The following ZNF273 variants were observed in gnomAD, a reference collection of about 807,000 sequenced individuals.
ZNF273 encodes zinc finger protein 273.
A neutral mutation model predicts 14.9 loss-of-function variants in ZNF273; 11 were observed. The ratio of observed to expected loss-of-function variants is 0.74; its 90% CI spans 0.46 to 1.22. The LOEUF (loss-of-function observed/expected upper bound fraction) is 1.22. ZNF273 is among the 50% of genes most tolerant of loss of function. ZNF273 has a pLI of 0.00. For missense variants in ZNF273, 577 were observed against 660.6 expected (o/e 0.87, Z 1.39); for synonymous variants, 199 against 223.9 (o/e 0.89, Z 0.99).
At chr7:64,933,105 A>T (rs1795026355), downstream of ZNF273, among the ~76,000 whole-genome samples, 1 of 151,922 alleles carries the variant, frequency 6.6e-6, no homozygotes, top group South Asian at 2.1e-4. Flanking sequence ...CTGAGTAGCT[A>T]GGATTACAGG....
the ZNF273 span, among the ~76,000 whole-genome samples, chr7:64,936,146 G>C: frequency 6.6e-6 from 1 of 152,172 alleles, no homozygotes; most frequent in African/African-American, 2.4e-5. Flanking sequence ...ATTATTCTCT[G>C]ATTTCCTTTC....
chr7:64,902,956 C>T (rs1184966190), upstream of ZNF273, among the ~76,000 whole-genome samples: 3 of 152,080 alleles, frequency 2.0e-5, no homozygotes, highest in Admixed American at 2.0e-4. Context: ...ATTTTGGGGC[C>T]GCAAAATTTA....
chr7:64,901,006 A>T (rs369861853), upstream of ZNF273, among the ~76,000 whole-genome samples: 6 of 95,174 alleles, frequency 6.3e-5, no homozygotes, highest in Non-Finnish European at 1.2e-4. Flanking sequence ...GCCTTTATTT[A>T]TTTTTTTTTT....
rs569774669 is a variant in ZNF273, at chr7:64,917,216, A to G, written c.103-365A>G. On this transcript the variant is annotated intron_variant, in intron 1 of 3. Transcript: ENST00000476120. ...TCTCCAGTTTATTACTGTACACATTAAAATTTTAAAGCTAGCTTGTAACAC... is the reference window on the plus strand; with the variant it reads ...TCTCCAGTTTATTACTGTACACATTGAAATTTTAAAGCTAGCTTGTAACAC... 1.8e-5 allele frequency: 13 copies of G among 724,628 alleles called. No homozygotes were observed. The African/African-American group carries it at 2.5e-4, about 14-fold the overall frequency. The allele number at this position is 724,628 out of a possible 1,614,324, so 44.9% of individuals were successfully genotyped here. A position where few individuals can be genotyped will look rare whatever the true frequency, so the allele number is the denominator to read the frequency against.
At chr7:64,891,274 T>G (rs1331847100), downstream of ZNF273, among the ~76,000 whole-genome samples, 1 of 152,228 alleles carries the variant, frequency 6.6e-6, no homozygotes, top group Admixed American at 6.5e-5. Context: ...ATGGCACCTC[T>G]CTCCCAGAGT....
intron 3 of ZNF273, among the ~76,000 whole-genome samples, chr7:64,926,957 A>T (rs867417646): frequency 6.6e-6 from 1 of 152,202 alleles, no homozygotes; most frequent in Non-Finnish European, 1.5e-5. Context: ...CTGTTATTCC[A>T]TAGTATATCA....
At chr7:64,904,184 G>A (rs929774538) in intron 1 of ZNF273, among the ~76,000 whole-genome samples, 11 of 152,138 alleles carry the variant, frequency 7.2e-5, no homozygotes, top group Non-Finnish European at 1.6e-4. Context: ...CGCCTCCCGG[G>A]TTCATGCAAT....
chr7:64,910,251 T>TC (rs990998971), intron 1 of ZNF273, among the ~76,000 whole-genome samples: 23 of 152,326 alleles, frequency 1.5e-4, no homozygotes, highest in Non-Finnish European at 1.6e-4. Flanking sequence ...ATTTGCCAGT[T>TC]CCTATATCTA....
downstream of ZNF273, among the ~76,000 whole-genome samples, chr7:64,884,674 T>C (rs1489193875): frequency 6.6e-6 from 1 of 152,142 alleles, no homozygotes; most frequent in South Asian, 2.1e-4. Flanking sequence ...TATGATTCCA[T>C]CACCCGGAGA....
At chr7:64,923,820 CTTTTT>C (rs750771189) in intron 3 of ZNF273, 2 of 146,488 alleles carry the variant, frequency 1.4e-5, no homozygotes, top group African/African-American at 5.0e-5. Context: ...TACTAGTCTC[CTTTTT>C]TTTTTTACCT....
downstream of ZNF273, chr7:64,893,908 A>T (rs1281812275): frequency 6.6e-6 from 1 of 152,474 alleles, no homozygotes; most frequent in Non-Finnish European, 1.5e-5. Flanking sequence ...GTAATTAAGC[A>T]TAAGTGCAAA....
downstream of ZNF273, among the ~76,000 whole-genome samples, chr7:64,882,226 C>G (rs966985368): frequency 6.6e-6 from 1 of 152,332 alleles, no homozygotes; most frequent in South Asian, 2.1e-4. Context: ...CCCTGGGACC[C>G]GATTCCTGCA....
At chr7:64,909,547 G>T (rs913976287) in intron 1 of ZNF273, among the ~76,000 whole-genome samples, 7 of 151,996 alleles carry the variant, frequency 4.6e-5, no homozygotes, top group African/African-American at 1.4e-4. Flanking sequence ...TTCTTTATCC[G>T]GTCTACTATT....
downstream of ZNF273, chr7:64,882,514 C>CA (rs1791292526): frequency 6.6e-6 from 1 of 152,272 alleles, no homozygotes; most frequent in Non-Finnish European, 1.5e-5. Flanking sequence ...TGGCGGGGCA[C>CA]AAGGCGCCAG....
At chr7:64,905,496 T>C (rs1793045234) in intron 1 of ZNF273, among the ~76,000 whole-genome samples, 1 of 151,196 alleles carries the variant, frequency 6.6e-6, no homozygotes, top group Admixed American at 6.6e-5. Flanking sequence ...CCAGCTTTCA[T>C]TTCTTGGAGA....
chr7:64,899,117 C>A (rs946692215), upstream of ZNF273, among the ~76,000 whole-genome samples: 1 of 152,186 alleles, frequency 6.6e-6, no homozygotes, highest in Non-Finnish European at 1.5e-5. Context: ...CTAAAGAATT[C>A]TCCCTTCAAA....
At chr7:64,919,832 T>G (rs73357584) in intron 3 of ZNF273, among the ~76,000 whole-genome samples, 2,700 of 152,272 alleles carry the variant, frequency 0.018, 87 homozygotes, top group African/African-American at 0.061. Flanking sequence ...TAGTTGTGGT[T>G]TTTAAAAGAT....
upstream of ZNF273, among the ~76,000 whole-genome samples, chr7:64,901,006 ATT>A (rs377332343): frequency 0.01 from 996 of 95,194 alleles, 13 homozygotes; most frequent in African/African-American, 0.033. Flanking sequence ...GCCTTTATTT[ATT>A]TTTTTTTTTT....
intron 1 of ZNF273, among the ~76,000 whole-genome samples, chr7:64,906,285 A>T (rs4718166): frequency 0.31 from 47,731 of 152,128 alleles, 8,529 homozygotes; most frequent in Non-Finnish European, 0.38. Context: ...TTTAATGCTG[A>T]ATTATATGGT....
Sources: allele counts gnomAD v4.1 joint callset (sites outside exome capture counted in the v4.1 genomes callset), GRCh38; gene constraint gnomAD v4.1.1; transcripts MANE v1.5; gene names NCBI Gene and HGNC (gene_info 2026-07-23, HGNC 2026-07-21).